The following GPC4 variants were observed in gnomAD, a reference collection of about 807,000 sequenced individuals.
GPC4 encodes the protein glypican 4.
In GPC4, 10 loss-of-function variants were observed where a neutral mutation model predicts 35.0. That is an observed-to-expected ratio of 0.29 (90% CI 0.18 to 0.48). The LOEUF is 0.48. Among genes scored for constraint, GPC4 ranks in the 20% least tolerant of loss-of-function variants. The pLI, the probability that GPC4 is intolerant of heterozygous loss-of-function variation, is 0.99. For missense variants in GPC4, 322 were observed against 451.3 expected (o/e 0.71, Z 2.60); for synonymous variants, 167 against 170.2 (o/e 0.98, Z 0.15).
At chrX:133,304,921 C>T in intron 6 of GPC4, 60 bp from the exon 7 acceptor site, 4 of 1,110,381 alleles carry the variant, frequency 3.6e-6, no homozygotes, top group Non-Finnish European at 5.0e-6. Context: ...AAACTACCTA[C>T]AAGTGTGCCT....
chrX:133,365,583 A>T, intron 1 of GPC4, among the ~76,000 whole-genome samples: 1 of 111,490 alleles, frequency 9.0e-6, no homozygotes, highest in South Asian at 3.8e-4. Flanking sequence ...GAGCCTCCCT[A>T]CCCTCAAGCA....
intron 1 of GPC4, among the ~76,000 whole-genome samples, chrX:133,357,418 G>A (rs987618771): frequency 9.4e-6 from 1 of 106,037 alleles, no homozygotes; most frequent in African/African-American, 3.4e-5. Context: ...TAGAGATGGC[G>A]TCTCTGTCAC....
chrX:133,404,507 A>G (rs1461574039), intron 1 of GPC4, among the ~76,000 whole-genome samples: 1 of 87,993 alleles, frequency 1.1e-5, no homozygotes, highest in East Asian at 4.1e-4. Context: ...AGAATGCGCC[A>G]TTGCACTCCA....
chrX:133,312,134 C>T (rs1012697948), intron 3 of GPC4, among the ~76,000 whole-genome samples: 5 of 111,034 alleles, frequency 4.5e-5, no homozygotes, highest in African/African-American at 1.6e-4. Context: ...GTTAAATTTT[C>T]GAGAAAGGGG....
chrX:133,356,650 C>T (rs1446022201), intron 1 of GPC4, among the ~76,000 whole-genome samples: 3 of 111,414 alleles, frequency 2.7e-5, no homozygotes, highest in East Asian at 2.8e-4. Flanking sequence ...CATGAGTGAA[C>T]GCTTCCTGAG....
intron 1 of GPC4, among the ~76,000 whole-genome samples, chrX:133,353,484 C>T (rs1179303026): frequency 8.9e-6 from 1 of 111,905 alleles, no homozygotes; most frequent in Admixed American, 9.5e-5. Flanking sequence ...TGAGTGGGTG[C>T]TCATTCCGTT....
At chrX:133,316,187 G>A (rs913998908) in intron 3 of GPC4, among the ~76,000 whole-genome samples, 1 of 111,676 alleles carries the variant, frequency 9.0e-6, no homozygotes, top group Admixed American at 9.5e-5. Context: ...TATTTAGTAT[G>A]TGCCAGGTTC....
rs1391282971 is a variant in GPC4, at chrX:133,415,016, G to A, written c.-51C>T. The A allele has an allele frequency of 8.7e-7, 1 of 1,154,868 alleles. No homozygotes were observed. On this transcript the variant is annotated 5_prime_UTR_variant, in exon 1 of 9. Coordinates refer to ENST00000370828, the MANE Select transcript of GPC4 (RefSeq NM_001448.3). ...CCACCTTTGGGACCGGACGGGAAGC[G>A]GCGCTACGGCAGCGGGCCGAGGGCT...
intron 1 of GPC4, among the ~76,000 whole-genome samples, chrX:133,412,009 C>T (rs763917961): frequency 9.0e-5 from 10 of 111,533 alleles, no homozygotes; most frequent in Non-Finnish European, 1.5e-4. Context: ...AAGTGCAAGG[C>T]CATCTGGAAT....
chrX:133,379,168 T>C (rs5977866), intron 1 of GPC4, among the ~76,000 whole-genome samples: 1,183 of 112,519 alleles, frequency 0.011, 18 homozygotes, highest in African/African-American at 0.036. Context: ...CTATTCACCA[T>C]AGCCAAAAGG....
At chrX:133,343,785 A>C (rs1265930465) in intron 1 of GPC4, among the ~76,000 whole-genome samples, 1 of 111,857 alleles carries the variant, frequency 8.9e-6, no homozygotes, top group Admixed American at 9.5e-5. Context: ...TTTAGTCTTA[A>C]TATCAATGCC....
At chrX:133,384,858 A>C (rs2068681133) in intron 1 of GPC4, among the ~76,000 whole-genome samples, 1 of 111,358 alleles carries the variant, frequency 9.0e-6, no homozygotes. Flanking sequence ...GTCAAGCTGG[A>C]CTCTGTTTAA....
intron 1 of GPC4, among the ~76,000 whole-genome samples, chrX:133,350,147 C>CA (rs1317689840): frequency 9.0e-6 from 1 of 110,981 alleles, no homozygotes; most frequent in East Asian, 2.8e-4. Flanking sequence ...ATTAATTCTC[C>CA]AAAAGATATT....
chrX:133,415,287 T>G lies in GPC4; in HGVS notation c.-322A>C. Reference sequence around the variant, plus strand: ...GGGGCAGCGAACCCGGCAAGCTGACTGGCCGGCGAGGCGGGGACGCGGGGA... The same window carrying G: ...GGGGCAGCGAACCCGGCAAGCTGACGGGCCGGCGAGGCGGGGACGCGGGGA... On this transcript the variant is annotated 5_prime_UTR_variant, in exon 1 of 9. Coordinates refer to ENST00000370828, the MANE Select transcript of GPC4 (RefSeq NM_001448.3). 1 of 214,651 alleles carries G rather than the reference T, an allele frequency of 4.7e-6. No homozygotes were observed. Among genetic ancestry groups the G allele is most frequent in the East Asian group, 1.0e-4 (1 of 10,020 alleles). 17.7% of individuals were successfully genotyped at this position (214,651 alleles called of 1,213,427 possible).
rs777517409 is a variant in GPC4 at position 133,414,946 on chromosome X, G to A, written c.20C>T (p.Pro7Leu). 14 of 1,210,542 alleles carry A rather than the reference G, an allele frequency of 1.2e-5. No individual in the cohort carries two copies. Among genetic ancestry groups the A allele is most frequent in the Non-Finnish European group, 1.6e-5 (14 of 894,957 alleles). The change falls in exon 1 of 9, where the codon CCC becomes CTC. Residue 7 changes from proline (P) to leucine (L), a missense_variant. Physicochemically the swap from Pro to Leu is moderately conservative, Grantham distance 98. This residue lies in a region of GPC4 where 60 missense variants were observed against 64.1 expected (regional missense o/e 0.94). Coordinates refer to ENST00000370828, the MANE Select transcript of GPC4 (RefSeq NM_001448.3). ...CACTGCCAGGGTGCAGAGAAGCGCG[G>A]GCAAGCCGAACCGTGCCATGGTGCG... MARFGL[P>L]ALLCTLAVLS...
intron 1 of GPC4, among the ~76,000 whole-genome samples, chrX:133,396,461 T>C (rs1321263442): frequency 8.9e-6 from 1 of 112,165 alleles, no homozygotes; most frequent in Non-Finnish European, 1.9e-5. Context: ...TCAAAGACAT[T>C]TCTGAAATCA....
chrX:133,320,391 C>T (rs778321634), intron 3 of GPC4, among the ~76,000 whole-genome samples: 198 of 110,898 alleles, frequency 1.8e-3, no homozygotes, highest in South Asian at 0.017. Flanking sequence ...CTTTGGGAGG[C>T]CGAGGTGGGC....
intron 2 of GPC4, among the ~76,000 whole-genome samples, chrX:133,325,196 T>C (rs992621802): frequency 1.1e-4 from 12 of 111,004 alleles, no homozygotes; most frequent in African/African-American, 3.9e-4. Context: ...AGTATCCAGC[T>C]TGATCCTGGG....
At chrX:133,338,008 T>C (rs1235726266) in intron 2 of GPC4, among the ~76,000 whole-genome samples, 1 of 109,721 alleles carries the variant, frequency 9.1e-6, no homozygotes. Context: ...GCATACTACA[T>C]AGACAGTGTT....
Sources: gnomAD v4.1 joint callset for allele counts (sites outside exome capture counted in the v4.1 genomes callset) on GRCh38, gnomAD v4.1.1 for gene constraint, gnomAD v4.1.1 regional missense constraint, MANE v1.5 for transcripts, NCBI Gene and HGNC (gene_info 2026-07-23, HGNC 2026-07-21) for gene names.